Variants in BICC1 observed in about 807,000 individuals in gnomAD.
The protein encoded by BICC1 is BicC family RNA binding protein 1.
Under a neutral mutation model 111.0 loss-of-function variants are expected in BICC1, and 43 were observed. That is an observed-to-expected ratio of 0.39 (90% confidence interval 0.30 to 0.50). The LOEUF is 0.50. Among genes scored for constraint, BICC1 ranks in the 20% least tolerant of loss-of-function variants. The pLI, the probability that BICC1 is intolerant of heterozygous loss-of-function variation, is 0.88. For missense variants in BICC1, 1,091 were observed against 1,203.2 expected, an observed-to-expected ratio of 0.91 and a Z score of 1.38; for synonymous variants, 467 against 434.4, an observed-to-expected ratio of 1.07 and a Z score of -0.93.
intron 1 of BICC1, among the ~76,000 whole-genome samples, chr10:58,514,579 G>A (rs1295948403): frequency 2.0e-5 from 3 of 152,254 alleles, no homozygotes; most frequent in Middle Eastern, 3.4e-3. Context: ...TTTGGCAGAC[G>A]TTTTTTGGAT....
intron 3 of BICC1, among the ~76,000 whole-genome samples, chr10:58,782,251 T>C (rs1200138408): frequency 2.0e-5 from 3 of 152,196 alleles, no homozygotes; most frequent in African/African-American, 7.2e-5. Context: ...TATGTATGCA[T>C]AGGAATTTTA....
chr10:58,642,227 C>T (rs1288412494), intron 2 of BICC1, among the ~76,000 whole-genome samples: 5 of 152,198 alleles, frequency 3.3e-5, no homozygotes, highest in Non-Finnish European at 5.9e-5. Context: ...AGGCTCTGCA[C>T]TTTCGGGGTG....
chr10:58,770,131 C>T (rs1425535457), intron 3 of BICC1, among the ~76,000 whole-genome samples: 3 of 151,890 alleles, frequency 2.0e-5, no homozygotes, highest in Non-Finnish European at 4.4e-5. Flanking sequence ...CATAAAACTC[C>T]TTTGCTATAT....
chr10:58,688,950 G>A (rs1839833459), intron 2 of BICC1, among the ~76,000 whole-genome samples: 1 of 151,922 alleles, frequency 6.6e-6, no homozygotes, highest in Non-Finnish European at 1.5e-5. Flanking sequence ...GATGGGTGCA[G>A]CAAACTACCA....
intron 1 of BICC1, among the ~76,000 whole-genome samples, chr10:58,540,393 AC>A (rs1371374051): frequency 2.0e-5 from 3 of 151,916 alleles, no homozygotes; most frequent in African/African-American, 7.2e-5. Flanking sequence ...TAAGAAGAAA[AC>A]AAAGACTCAA....
At chr10:58,737,091 T>A (rs2132584303) in intron 3 of BICC1, among the ~76,000 whole-genome samples, 1 of 152,248 alleles carries the variant, frequency 6.6e-6, no homozygotes, top group Non-Finnish European at 1.5e-5. Context: ...TATTTTGTAC[T>A]TTCTGTGATT....
intron 3 of BICC1, among the ~76,000 whole-genome samples, chr10:58,719,674 A>G (rs1263288522): frequency 6.6e-6 from 1 of 152,172 alleles, no homozygotes; most frequent in Admixed American, 6.5e-5. Context: ...TCATGGACCT[A>G]TGTCAAAGAC....
intron 1 of BICC1, among the ~76,000 whole-genome samples, chr10:58,582,291 T>C (rs1844304632): frequency 6.6e-6 from 1 of 152,238 alleles, no homozygotes; most frequent in South Asian, 2.1e-4. Context: ...CCTAGTTTTC[T>C]ACATTCTTAC....
intron 2 of BICC1, among the ~76,000 whole-genome samples, chr10:58,622,293 CTTCT>C (rs1205279255): frequency 1.3e-5 from 2 of 152,096 alleles, no homozygotes; most frequent in African/African-American, 2.4e-5. Flanking sequence ...CTTCATTGTT[CTTCT>C]TTAACTCACA....
At chr10:58,736,758 G>A (rs1019455889) in intron 3 of BICC1, among the ~76,000 whole-genome samples, 1 of 152,084 alleles carries the variant, frequency 6.6e-6, no homozygotes. Flanking sequence ...TCAAATTCTT[G>A]TATTACCAGA....
chr10:58,782,459 C>A (rs182998087), intron 3 of BICC1, among the ~76,000 whole-genome samples: 83 of 152,256 alleles, frequency 5.5e-4, no homozygotes, highest in African/African-American at 1.8e-3. Context: ...CTTGAGTTAA[C>A]CATCACTTGG....
At chr10:58,827,525 AC>A (rs1330858096) in intron 20 of BICC1, among the ~76,000 whole-genome samples, 3 of 152,214 alleles carry the variant, frequency 2.0e-5, no homozygotes, top group African/African-American at 7.2e-5. Context: ...AATAGATACC[AC>A]ACCAGAGGAA....
chr10:58,546,326 C>T (rs1340473230), intron 1 of BICC1, among the ~76,000 whole-genome samples: 2 of 152,100 alleles, frequency 1.3e-5, no homozygotes, highest in Non-Finnish European at 2.9e-5. Context: ...AAAGGGGCTG[C>T]CTGTGTTGTA....
At chr10:58,642,142 TATTA>T (rs368374189) in intron 2 of BICC1, among the ~76,000 whole-genome samples, 38 of 152,334 alleles carry the variant, frequency 2.5e-4, no homozygotes, top group Admixed American at 1.5e-3. Context: ...CATTTAGAAT[TATTA>T]ATTAATTGGT....
At position 58,721,229 on chromosome 10, in the gene BICC1, C is replaced by G. The variant is rs886265718; in HGVS notation, c.307+19086C>G. On this transcript the variant is annotated intron_variant, in intron 3 of 20. Coordinates refer to ENST00000373886, the MANE Select transcript of BICC1 (RefSeq NM_001080512.3). ...CCAGCAGGAATGTGGCATACCACCCCCTTCCATGGTTTTTCTCTCTCCCCA... is the reference window on the plus strand; with the variant it reads ...CCAGCAGGAATGTGGCATACCACCCGCTTCCATGGTTTTTCTCTCTCCCCA... Among the ~76,000 whole-genome samples, 3 of 152,158 alleles carry G rather than the reference C, an allele frequency of 2.0e-5. No homozygotes were observed. In the East Asian group the frequency reaches 5.8e-4, roughly 29 times the overall value.
intron 1 of BICC1, among the ~76,000 whole-genome samples, chr10:58,523,336 A>G (rs1331306967): frequency 1.3e-5 from 2 of 152,224 alleles, no homozygotes; most frequent in African/African-American, 4.8e-5. Context: ...CCAGCAGCAC[A>G]TCAAAAAGCT....
intron 3 of BICC1, among the ~76,000 whole-genome samples, chr10:58,728,083 G>T (rs1334868284): frequency 1.3e-5 from 2 of 152,202 alleles, no homozygotes; most frequent in Non-Finnish European, 2.9e-5. Flanking sequence ...AATGATGGTT[G>T]CTGAAGGTTA....
intron 2 of BICC1, among the ~76,000 whole-genome samples, chr10:58,662,495 A>G (rs1334106232): frequency 2.6e-5 from 4 of 152,224 alleles, no homozygotes; most frequent in Non-Finnish European, 5.9e-5. Flanking sequence ...CATAGCAAGC[A>G]TCTGTATTTA....
chr10:58,528,289 C>T (rs1265176993), intron 1 of BICC1, among the ~76,000 whole-genome samples: 1 of 151,684 alleles, frequency 6.6e-6, no homozygotes, highest in Non-Finnish European at 1.5e-5. Flanking sequence ...TCAATCTAGG[C>T]CGTATGTAGA....
Sources: gnomAD v4.1 joint callset for allele counts (sites outside exome capture counted in the v4.1 genomes callset) on GRCh38, gnomAD v4.1.1 for gene constraint, MANE v1.5 for transcripts, NCBI Gene and HGNC (gene_info 2026-07-23, HGNC 2026-07-21) for gene names.